Variants in PRR11 observed in about 807,000 individuals in gnomAD.
PRR11 encodes proline rich 11.
Under a neutral mutation model 45.6 loss-of-function variants are expected in PRR11, and 30 were observed. The ratio of observed to expected loss-of-function variants is 0.66; its 90% CI spans 0.49 to 0.89. The LOEUF (loss-of-function observed/expected upper bound fraction) is 0.89. Ranked by LOEUF, PRR11 falls within the 40% of genes least tolerant of loss-of-function variation. The probability of loss-of-function intolerance (pLI) is 0.00; values close to 1 mark genes in which losing one functional copy is unlikely to be tolerated. For synonymous variants in PRR11, 128 were observed against 153.5 expected (o/e 0.83, Z 1.23); for missense variants, 373 against 424.8 (o/e 0.88, Z 1.07).
At position 59,185,535 on chromosome 17, in the gene PRR11, A is replaced by G. The variant is rs988391731; in HGVS notation, c.375A>G (p.Lys125=). The G allele has an allele frequency of 1.2e-6, 2 of 1,611,562 alleles. No homozygotes were observed. Among genetic ancestry groups the G allele is most frequent in the African/African-American group, 2.7e-5 (2 of 74,606 alleles). Residue 125 remains lysine (K), a synonymous_variant, in exon 4 of 10, where the codon AAA becomes AAG. Coordinates refer to ENST00000262293, the MANE Select transcript of PRR11 (RefSeq NM_018304.4). ...AACAGTTTTGCATTTTGGAAAGTAA[A>G]TTATGCAAGCTCCAGGAAGCACTGA... ...VKQQFCILES[K]LCKLQEALKT...
At chr17:59,185,707 A>C in intron 4 of PRR11, 145 bp downstream of exon 4, 1 of 710,354 alleles carries the variant, frequency 1.4e-6, no homozygotes, top group South Asian at 2.0e-5. Context: ...TTAGCAAGGA[A>C]TACAAAGGGT....
At chr17:59,171,950 T>C (rs2046711213) in intron 2 of PRR11, among the ~76,000 whole-genome samples, 1 of 150,804 alleles carries the variant, frequency 6.6e-6, no homozygotes, top group African/African-American at 2.4e-5. Flanking sequence ...AAATTATCTT[T>C]ATATATATAT....
chr17:59,159,475 G>A (rs2046641317), intron 1 of PRR11, among the ~76,000 whole-genome samples: 1 of 152,180 alleles, frequency 6.6e-6, no homozygotes, highest in Admixed American at 6.5e-5. Flanking sequence ...CCCCTAGACA[G>A]TTGCAGTAGG....
At chr17:59,174,536 C>T (rs538335255) in intron 2 of PRR11, among the ~76,000 whole-genome samples, 1 of 152,184 alleles carries the variant, frequency 6.6e-6, no homozygotes, top group Non-Finnish European at 1.5e-5. Context: ...AGTGCAGTGG[C>T]AGGATCAGGG....
chr17:59,182,228 A>T (rs569681084), intron 2 of PRR11, among the ~76,000 whole-genome samples: 1 of 151,558 alleles, frequency 6.6e-6, no homozygotes, highest in Admixed American at 6.6e-5. Context: ...GGGTTTCACC[A>T]TGTTGACCAG....
intron 1 of PRR11, among the ~76,000 whole-genome samples, chr17:59,161,201 G>A (rs2046650671): frequency 6.6e-6 from 1 of 152,088 alleles, no homozygotes; most frequent in Non-Finnish European, 1.5e-5. Context: ...GAGGTCAGCA[G>A]TTCAAGACCA....
chr17:59,189,550 T>C (rs1599704777), intron 4 of PRR11, among the ~76,000 whole-genome samples: 1 of 151,972 alleles, frequency 6.6e-6, no homozygotes, highest in South Asian at 2.1e-4. Flanking sequence ...CCCAGGCTGG[T>C]CTTGAACTCC....
intron 2 of PRR11, among the ~76,000 whole-genome samples, chr17:59,184,615 C>A (rs146530711): frequency 9.2e-5 from 14 of 152,246 alleles, no homozygotes; most frequent in African/African-American, 3.1e-4. Flanking sequence ...GGAAGCTCTG[C>A]TTTTCTGGAG....
At chr17:59,186,031 A>C (rs773405314) in intron 4 of PRR11, among the ~76,000 whole-genome samples, 38 of 152,326 alleles carry the variant, frequency 2.5e-4, no homozygotes, top group Non-Finnish European at 4.3e-4. Context: ...CCATCCATAA[A>C]ACTTATCTAA....
chr17:59,161,905 C>T (rs1400385318), intron 1 of PRR11, among the ~76,000 whole-genome samples: 2 of 152,170 alleles, frequency 1.3e-5, no homozygotes, highest in African/African-American at 4.8e-5. Context: ...TAAAGGAAGA[C>T]TGCTATATAC....
At chr17:59,190,287 T>C (rs751107941) in intron 4 of PRR11, among the ~76,000 whole-genome samples, 1 of 152,054 alleles carries the variant, frequency 6.6e-6, no homozygotes, top group Non-Finnish European at 1.5e-5. Context: ...CTAGCCAACA[T>C]GGTGAAACCC....
intron 2 of PRR11, chr17:59,181,392 C>T (rs966726672): frequency 1.7e-5 from 13 of 755,512 alleles, no homozygotes; most frequent in African/African-American, 5.4e-5. Flanking sequence ...TGAGTCCTCC[C>T]GCATGGAGAG....
chr17:59,178,321 G>A (rs995165347), intron 2 of PRR11, among the ~76,000 whole-genome samples: 9 of 152,040 alleles, frequency 5.9e-5, no homozygotes, highest in Non-Finnish European at 1.2e-4. Context: ...GCAACAGAGC[G>A]AGACTGTCTC....
chr17:59,195,735 A>G (rs1032424052), intron 7 of PRR11, among the ~76,000 whole-genome samples: 2 of 152,072 alleles, frequency 1.3e-5, no homozygotes, highest in Non-Finnish European at 2.9e-5. Context: ...TGTTTATTAT[A>G]AGATATGGCA....
At chr17:59,170,705 A>C (rs2046703482) in intron 2 of PRR11, among the ~76,000 whole-genome samples, 2 of 152,164 alleles carry the variant, frequency 1.3e-5, no homozygotes, top group African/African-American at 4.8e-5. Context: ...AGGTGTGAGC[A>C]CTGTACCCAC....
intron 2 of PRR11, among the ~76,000 whole-genome samples, chr17:59,174,632 G>A (rs1167806305): frequency 1.3e-5 from 2 of 152,060 alleles, no homozygotes; most frequent in African/African-American, 2.4e-5. Flanking sequence ...AGGGGATCTC[G>A]CCATGTTGCC....
chr17:59,171,384 G>T (rs1378207166), intron 2 of PRR11, among the ~76,000 whole-genome samples: 1 of 152,036 alleles, frequency 6.6e-6, no homozygotes, highest in Non-Finnish European at 1.5e-5. Context: ...AGAATTTAGG[G>T]GAACTATCAT....
chr17:59,185,538 A>G lies in PRR11; in HGVS notation c.378A>G (p.Leu126=), dbSNP rs189286668. The change falls in exon 4 of 10, where the codon TTA becomes TTG. Residue 126 remains leucine, a synonymous_variant. Transcript: ENST00000262293. ...AGTTTTGCATTTTGGAAAGTAAATT[A>G]TGCAAGCTCCAGGAAGCACTGAAGG... ...KQQFCILESK[L]CKLQEALKTI... 5.0e-5 allele frequency: 81 copies of G among 1,611,516 alleles called. No homozygotes were observed. In the Admixed American group the frequency reaches 8.1e-4, roughly 16 times the overall value.
rs1333340747 is a variant in PRR11 at position 59,206,440 on chromosome 17, T to C, written c.*4809T>C. 2.6e-5 allele frequency among the ~76,000 whole-genome samples: 4 copies of C among 152,282 alleles called. No individual in the cohort carries two copies. Among genetic ancestry groups the C allele is most frequent in the Admixed American group, 6.5e-5 (1 of 15,292 alleles). Reference sequence around the variant, plus strand: ...AAAAAAAAGTCCTGTGGAAATCATATAGACAAACATTTGCAAAGCTGCTAC... The same window carrying C: ...AAAAAAAAGTCCTGTGGAAATCATACAGACAAACATTTGCAAAGCTGCTAC... On this transcript the variant is annotated 3_prime_UTR_variant, in exon 10 of 10. Coordinates refer to ENST00000262293, the MANE Select transcript of PRR11 (RefSeq NM_018304.4).
Sources: gnomAD v4.1 joint callset for allele counts (sites outside exome capture counted in the v4.1 genomes callset) on GRCh38, gnomAD v4.1.1 for gene constraint, MANE v1.5 for transcripts, NCBI Gene and HGNC (gene_info 2026-07-23, HGNC 2026-07-21) for gene names.